The following PTPRG variants were observed in gnomAD, a reference collection of about 807,000 sequenced individuals.
PTPRG encodes the protein receptor-type tyrosine-protein phosphatase gamma.
In PTPRG, 102 loss-of-function variants were observed where a neutral mutation model predicts 165.3. The ratio of observed to expected loss-of-function variants is 0.62; its 90% confidence interval spans 0.53 to 0.73. PTPRG has a LOEUF of 0.73. Among genes scored for constraint, PTPRG ranks in the 30% least tolerant of loss-of-function variants. The pLI is 0.00. For missense variants in PTPRG, 1,866 were observed against 1,861.4 expected (o/e 1.00, Z -0.05); for synonymous variants, 675 against 669.5 (o/e 1.01, Z -0.13).
In PTPRG at chr3:61,840,459, T is replaced by G. The variant is rs893179341; in HGVS notation, c.190+91477T>G. Among the ~76,000 whole-genome samples the G allele has an allele frequency of 5.3e-5, 8 of 152,176 alleles. No individual in the cohort carries two copies. In the East Asian group the frequency reaches 1.3e-3, roughly 26 times the overall value. ...TGTTTTAGGGCAAAAAACTTAAGCT[T>G]TCTTCTATTAAAGTGATTTAATAAG... On this transcript the variant is annotated intron_variant, in intron 2 of 29. Coordinates refer to ENST00000474889, the MANE Select transcript of PTPRG (RefSeq NM_002841.4).
intron 2 of PTPRG, chr3:61,749,364 A>G (rs1349178101): frequency 2.9e-6 from 1 of 349,588 alleles, no homozygotes; most frequent in African/African-American, 2.2e-5. Context: ...TAAACATTAC[A>G]AACATCACAT....
chr3:61,687,053 A>C (rs1463906245), intron 1 of PTPRG, among the ~76,000 whole-genome samples: 1 of 152,168 alleles, frequency 6.6e-6, no homozygotes, highest in South Asian at 2.1e-4. Flanking sequence ...AAATGCATCA[A>C]CCGTTGACCA....
intron 4 of PTPRG, among the ~76,000 whole-genome samples, chr3:62,072,182 G>T (rs560445918): frequency 1.3e-4 from 20 of 152,144 alleles, no homozygotes; most frequent in Non-Finnish European, 2.1e-4. Context: ...CAACAGTGGA[G>T]CATTGACTGT....
At chr3:61,648,866 T>C (rs764974713) in intron 1 of PTPRG, among the ~76,000 whole-genome samples, 1 of 152,258 alleles carries the variant, frequency 6.6e-6, no homozygotes, top group Non-Finnish European at 1.5e-5. Context: ...ATCTCCACTT[T>C]AAAGATTCTG....
intron 19 of PTPRG, among the ~76,000 whole-genome samples, 160 bp downstream of exon 19, chr3:62,267,979 A>G (rs1012767069): frequency 6.6e-6 from 1 of 152,084 alleles, no homozygotes; most frequent in African/African-American, 2.4e-5. Flanking sequence ...AAGGAAAGAG[A>G]GCTAAGGCAT....
chr3:61,628,759 C>T (rs1336789736), intron 1 of PTPRG, among the ~76,000 whole-genome samples: 1 of 152,200 alleles, frequency 6.6e-6, no homozygotes, highest in African/African-American at 2.4e-5. Context: ...AGCTACCACT[C>T]ATCCATCTCT....
chr3:61,902,826 G>A (rs2038533005), intron 2 of PTPRG, among the ~76,000 whole-genome samples: 1 of 152,080 alleles, frequency 6.6e-6, no homozygotes. Context: ...GCATATATCA[G>A]TGAACAAAAT....
chr3:62,079,650 G>T (rs942666074), intron 5 of PTPRG, among the ~76,000 whole-genome samples: 1 of 152,100 alleles, frequency 6.6e-6, no homozygotes, highest in Non-Finnish European at 1.5e-5. Flanking sequence ...TTTGCCCATT[G>T]TTCTCCAACA....
intron 1 of PTPRG, among the ~76,000 whole-genome samples, chr3:61,725,493 C>T (rs74425441): frequency 0.017 from 2,650 of 152,260 alleles, 29 homozygotes; most frequent in South Asian, 0.039. Flanking sequence ...TGCCTTTGCA[C>T]CTTTGTCAAA....
At chr3:61,887,158 A>G (rs1366998453) in intron 2 of PTPRG, among the ~76,000 whole-genome samples, 2 of 122,040 alleles carry the variant, frequency 1.6e-5, no homozygotes, top group Non-Finnish European at 3.3e-5. Context: ...ATATATATAT[A>G]TATATATATA....
At chr3:61,739,819 G>A (rs1325233498) in intron 1 of PTPRG, among the ~76,000 whole-genome samples, 1 of 152,182 alleles carries the variant, frequency 6.6e-6, no homozygotes, top group African/African-American at 2.4e-5. Context: ...GGGACTGGGT[G>A]GAGAAGGCAG....
At chr3:61,718,853 T>G (rs2031930251) in intron 1 of PTPRG, among the ~76,000 whole-genome samples, 2 of 152,208 alleles carry the variant, frequency 1.3e-5, no homozygotes. Flanking sequence ...TCAATGCTAT[T>G]GACTTCCCAG....
intron 2 of PTPRG, among the ~76,000 whole-genome samples, chr3:61,834,037 G>C (rs1341502676): frequency 6.6e-6 from 1 of 152,184 alleles, no homozygotes; most frequent in Admixed American, 6.5e-5. Flanking sequence ...GTCAGCTTAG[G>C]ATTTCAGAAG....
chr3:61,605,682 C>T (rs1337068966), intron 1 of PTPRG, among the ~76,000 whole-genome samples: 5 of 152,150 alleles, frequency 3.3e-5, no homozygotes, highest in Non-Finnish European at 1.5e-5. Flanking sequence ...GATTCTTTCA[C>T]CTCTGCCTCC....
At chr3:61,998,235 G>A (rs2041085181) in intron 3 of PTPRG, among the ~76,000 whole-genome samples, 2 of 152,158 alleles carry the variant, frequency 1.3e-5, no homozygotes, top group African/African-American at 4.8e-5. Flanking sequence ...GATGTGACCT[G>A]ACCCACGCTT....
intron 5 of PTPRG, among the ~76,000 whole-genome samples, chr3:62,111,917 G>C (rs1288810885): frequency 6.6e-6 from 1 of 152,114 alleles, no homozygotes; most frequent in Non-Finnish European, 1.5e-5. Context: ...TGAATCTGTA[G>C]GACTTAAAAA....
chr3:62,161,253 A>G (rs986623122), intron 7 of PTPRG, among the ~76,000 whole-genome samples: 5 of 152,206 alleles, frequency 3.3e-5, no homozygotes, highest in Non-Finnish European at 7.3e-5. Flanking sequence ...TTGTTGTTGC[A>G]GGTATTAAAT....
rs1260515326 is a variant in PTPRG, at chr3:61,935,295, A to G, written c.191-54330A>G. 2.0e-5 allele frequency among the ~76,000 whole-genome samples: 3 copies of G among 152,306 alleles called. No homozygotes were observed. The South Asian group carries it at 6.2e-4, about 32-fold the overall frequency. Reference sequence around the variant, plus strand: ...ATGGAGCACAGCTTCTCAGTTTTGCAAGTAACAGATGGACAGAATACGTCC... The same window carrying G: ...ATGGAGCACAGCTTCTCAGTTTTGCGAGTAACAGATGGACAGAATACGTCC... On this transcript the variant is annotated intron_variant, in intron 2 of 29. Transcript: ENST00000474889.
chr3:61,933,466 G>A (rs1575799366), intron 2 of PTPRG, among the ~76,000 whole-genome samples: 1 of 152,272 alleles, frequency 6.6e-6, no homozygotes, highest in East Asian at 1.9e-4. Flanking sequence ...ACAGCTCAGG[G>A]GGTAAAATGA....
Sources: gnomAD v4.1 joint callset for allele counts (sites outside exome capture counted in the v4.1 genomes callset) on GRCh38, gnomAD v4.1.1 for gene constraint, MANE v1.5 for transcripts, NCBI Gene and HGNC (gene_info 2026-07-23, HGNC 2026-07-21) for gene names.